Variants in POTEM observed in about 807,000 individuals in gnomAD.
The protein encoded by POTEM is putative POTE ankyrin domain family member M.
For missense variants in POTEM, 24 were observed against 343.0 expected (o/e 0.07, Z 7.35); for synonymous variants, 8 against 113.2 (o/e 0.07, Z 5.90).
intron 1 of POTEM, among the ~76,000 whole-genome samples, chr14:18,968,600 C>T (rs1890820032): frequency 1.5e-5 from 2 of 134,428 alleles, no homozygotes; most frequent in Non-Finnish European, 3.2e-5. Context: ...GAGGGCAGAT[C>T]ATGGGATCAG....
At chr14:18,980,837 T>G (rs1306113872) in intron 6 of POTEM, 1 of 139,130 alleles carries the variant, frequency 7.2e-6, no homozygotes, top group East Asian at 2.0e-4. Flanking sequence ...TTCCTCCTCA[T>G]TTGAAGTTGG....
At chr14:18,992,713 AT>A (rs1891260624) in intron 9 of POTEM, among the ~76,000 whole-genome samples, 1 of 46,100 alleles carries the variant, frequency 2.2e-5, no homozygotes, top group South Asian at 7.7e-4. Context: ...CATTTTAACA[AT>A]TTTGCCTGGT....
At chr14:18,986,126 A>G (rs1594277313) in intron 7 of POTEM, among the ~76,000 whole-genome samples, 2 of 143,532 alleles carry the variant, frequency 1.4e-5, no homozygotes, top group South Asian at 4.4e-4. Context: ...ATAGAGGCAA[A>G]AACAAATTTC....
intron 9 of POTEM, among the ~76,000 whole-genome samples, chr14:18,996,327 A>G (rs1594279753): frequency 2.1e-5 from 3 of 146,184 alleles, no homozygotes; most frequent in Non-Finnish European, 4.5e-5. Context: ...TATAAAATAC[A>G]TAGGAATCAA....
At chr14:18,985,952 T>G (rs1195603692) in intron 7 of POTEM, among the ~76,000 whole-genome samples, 3 of 110,684 alleles carry the variant, frequency 2.7e-5, no homozygotes, top group Non-Finnish European at 5.6e-5. Flanking sequence ...TTCTTAAAAT[T>G]TATTGTAATA....
At chr14:18,968,621 C>T (rs1215389404) in intron 1 of POTEM, among the ~76,000 whole-genome samples, 4 of 137,886 alleles carry the variant, frequency 2.9e-5, no homozygotes, top group African/African-American at 8.3e-5. Flanking sequence ...GAGATCGAGA[C>T]CATCCTGGCT....
At chr14:18,968,097 CGCCTCCGCAG>C (rs1890803929) in intron 1 of POTEM, 91 bp downstream of exon 1, 1 of 653,668 alleles carries the variant, frequency 1.5e-6, no homozygotes, top group African/African-American at 1.9e-5. Flanking sequence ...CTGGTTTTCT[CGCCTCCGCAG>C]GCCTCACACC....
At chr14:18,995,094 C>G (rs1256948783) in intron 9 of POTEM, among the ~76,000 whole-genome samples, 1 of 72,324 alleles carries the variant, frequency 1.4e-5, no homozygotes, top group Admixed American at 1.4e-4. Flanking sequence ...TTGTTAGATT[C>G]ATAATTTTCA....
rs369516728 is a variant in POTEM, at chr14:18,968,499, T to C, written c.521+493T>C. ...GAAATGGGAAGATGGTTCTTGTGCT[T>C]GAATAGGAAGATTGAATTTTCTGAA... On this transcript the variant is annotated intron_variant, in intron 1 of 10. Coordinates refer to ENST00000547889, the MANE Select transcript of POTEM (RefSeq NM_001145442.1). Among the ~76,000 whole-genome samples, 51 of 151,976 alleles carry C rather than the reference T, an allele frequency of 3.4e-4. No individual in the cohort carries two copies. In the South Asian group the frequency reaches 4.7e-3, roughly 14 times the overall value.
chr14:18,969,490 C>A (rs1353208634), intron 1 of POTEM, among the ~76,000 whole-genome samples: 1 of 87,360 alleles, frequency 1.1e-5, no homozygotes, highest in Non-Finnish European at 2.1e-5. Context: ...TCAAGCAATT[C>A]TCTGCTTCAG....
chr14:18,993,086 G>A (rs1427372996), intron 9 of POTEM, among the ~76,000 whole-genome samples: 1 of 68,728 alleles, frequency 1.5e-5, no homozygotes, highest in Non-Finnish European at 2.9e-5. Flanking sequence ...TAGTAGAGAC[G>A]GGGTTTCACC....
chr14:18,968,917 T>C (rs1478152749), intron 1 of POTEM, among the ~76,000 whole-genome samples: 1 of 149,700 alleles, frequency 6.7e-6, no homozygotes, highest in South Asian at 2.1e-4. Context: ...ACACATGCTG[T>C]CTTTTATTAT....
chr14:18,981,919 TA>T (rs1294070283), intron 6 of POTEM, among the ~76,000 whole-genome samples: 5 of 148,876 alleles, frequency 3.4e-5, no homozygotes, highest in African/African-American at 1.2e-4. Context: ...GAGCGGTGGC[TA>T]AAACAGTAGG....
intron 1 of POTEM, among the ~76,000 whole-genome samples, chr14:18,969,208 A>C (rs1341988544): frequency 7.5e-6 from 1 of 133,424 alleles, no homozygotes; most frequent in African/African-American, 3.0e-5. Context: ...GTATAGATTA[A>C]AAATTTTAAA....
chr14:18,991,027 G>A (rs1891237816), intron 9 of POTEM, among the ~76,000 whole-genome samples: 1 of 84,392 alleles, frequency 1.2e-5, no homozygotes. Flanking sequence ...GGGATTACAG[G>A]TGTGTGACAC....
chr14:18,997,234 AT>A, intron 10 of POTEM, 75 bp downstream of exon 10: 1 of 450,270 alleles, frequency 2.2e-6, no homozygotes, highest in Non-Finnish European at 3.8e-6. Context: ...TATACAAAGG[AT>A]TTTTAAGTCA....
chr14:18,977,395 T>A, intron 4 of POTEM, 71 bp from the exon 5 acceptor site: 2 of 655,462 alleles, frequency 3.1e-6, no homozygotes, highest in South Asian at 4.1e-5. Flanking sequence ...AGGCAAGATG[T>A]TAAATTGGTA....
intron 9 of POTEM, among the ~76,000 whole-genome samples, chr14:18,991,188 C>A (rs2818566): frequency 0.085 from 7,771 of 91,238 alleles, 167 homozygotes; most frequent in Non-Finnish European, 0.14. Context: ...CTGGCCCTTC[C>A]TGACTTTTTC....
chr14:18,985,903 CAAAAAAAA>C lies in POTEM; in HGVS notation c.1197+441_1197+448del, dbSNP rs1162516671. ...TGGGTGACAGAGCAAGACTCTGTGT[CAAAAAAAA>C]AAAAAAAAAAAAAAAAAATATTTTA... On this transcript the variant is annotated intron_variant, in intron 7 of 10. Transcript: ENST00000547889. Among the ~76,000 whole-genome samples the C allele has an allele frequency of 3.2e-3, 222 of 68,840 alleles. 1 individual carries two copies. Among genetic ancestry groups the C allele is most frequent in the East Asian group, 7.1e-3 (19 of 2,694 alleles). 45.2% of individuals were successfully genotyped at this position (68,840 alleles called of 152,430 possible).
Sources: gnomAD v4.1 joint callset for allele counts (sites outside exome capture counted in the v4.1 genomes callset) on GRCh38, gnomAD v4.1.1 for gene constraint, MANE v1.5 for transcripts, NCBI Gene and HGNC (gene_info 2026-07-23, HGNC 2026-07-21) for gene names.